NOS2: variants seen among roughly 807,000 people sequenced by gnomAD.
The protein encoded by NOS2 is nitric oxide synthase 2, also known as nitric oxide synthase, inducible.
NOS2 carries 96 observed loss-of-function variants against 136.0 expected under a neutral mutation model. That is an observed-to-expected ratio of 0.71 (90% CI 0.60 to 0.84). The LOEUF is 0.84. Ranked by LOEUF, NOS2 falls within the 40% of genes least tolerant of loss-of-function variation. NOS2 has a pLI of 0.00. For synonymous variants in NOS2, 539 were observed against 587.5 expected (o/e 0.92, Z 1.20); for missense variants, 1,237 against 1,496.9 (o/e 0.83, Z 2.87).
intron 9 of NOS2, among the ~76,000 whole-genome samples, chr17:27,779,378 C>CA (rs1420969230): frequency 4.0e-5 from 6 of 151,408 alleles, no homozygotes; most frequent in Admixed American, 2.0e-4. Flanking sequence ...CTACTGGCCT[C>CA]AAGTAATCCT....
intron 9 of NOS2, among the ~76,000 whole-genome samples, chr17:27,779,482 A>AC (rs904530793): frequency 6.6e-6 from 1 of 151,520 alleles, no homozygotes; most frequent in Admixed American, 6.6e-5. Flanking sequence ...CCTCCCACTG[A>AC]CCCCCCACCT....
chr17:27,787,866 G>C, intron 4 of NOS2, 40 bp from the exon 5 acceptor site: 1 of 1,569,974 alleles, frequency 6.4e-7, no homozygotes, highest in Non-Finnish European at 8.6e-7. Flanking sequence ...GGGCCATTCG[G>C]CCTCTTGCCA....
chr17:27,761,208 C>T lies in NOS2; in HGVS notation c.2824G>A (p.Gly942Ser), dbSNP rs1908117940. ...TRDGQGPLHH[G>S]VCSTWLNSLK... Reference sequence around the variant, plus strand: ...CTGTTGAGCCATGTGCTGCAGACGCCGTGGTGCAGGGGACCCTGGCCATCT... The same window carrying T: ...CTGTTGAGCCATGTGCTGCAGACGCTGTGGTGCAGGGGACCCTGGCCATCT... The change falls in exon 23 of 27, where the codon GGC (glycine) becomes AGC (serine). Residue 942 changes from glycine to serine, a missense_variant. Physicochemically the swap from Gly to Ser is moderately conservative, Grantham distance 56 (BLOSUM62 0). Around this residue, in one of 3 missense-constraint regions of NOS2, gnomAD observed 782 missense variants for 909.9 expected, o/e 0.86. Transcript: ENST00000313735. The T allele has an allele frequency of 1.2e-6, 2 of 1,608,836 alleles. No homozygotes were observed. Among genetic ancestry groups the T allele is most frequent in the Non-Finnish European group, 8.5e-7 (1 of 1,178,690 alleles).
intron 7 of NOS2, 30 bp from the exon 8 acceptor site, chr17:27,781,207 C>T: frequency 6.3e-7 from 1 of 1,582,526 alleles, no homozygotes; most frequent in African/African-American, 1.3e-5. Context: ...TACTGTTTAC[C>T]ACCTAGCCCT....
In NOS2 at chr17:27,772,459, GGACA is replaced by G. The variant is rs535111297; in HGVS notation, c.1560-11_1560-8del. 68 of 1,613,538 alleles carry G rather than the reference GGACA, an allele frequency of 4.2e-5. No individual in the cohort carries two copies. The highest frequency in any genetic ancestry group is 1.6e-4 in the Middle Eastern group (1 of 6,078). Reference sequence around the variant, plus strand: ...ACAGGCAAAGAGCACAGCTCTGTGGGGACAGACAGACAGGCAGGCGCTGTGTGCT... The same window carrying G: ...ACAGGCAAAGAGCACAGCTCTGTGGGGACAGACAGGCAGGCGCTGTGTGCT... On this transcript the variant is annotated splice_region_variant and splice_polypyrimidine_tract_variant and intron_variant, in intron 13 of 26. Coordinates refer to ENST00000313735, the MANE Select transcript of NOS2 (RefSeq NM_000625.4).
intron 15 of NOS2, among the ~76,000 whole-genome samples, chr17:27,770,202 G>A (rs766391086): frequency 6.6e-6 from 1 of 152,126 alleles, no homozygotes; most frequent in Non-Finnish European, 1.5e-5. Context: ...AAAGATAGCT[G>A]AGCACGGTGG....
chr17:27,765,253 G>C (rs1477286743), intron 20 of NOS2, among the ~76,000 whole-genome samples: 1 of 152,224 alleles, frequency 6.6e-6, no homozygotes, highest in Admixed American at 6.5e-5. Flanking sequence ...CTCCCAAAGT[G>C]CTGAGATTAC....
At chr17:27,772,018 T>A (rs992831300) in intron 14 of NOS2, among the ~76,000 whole-genome samples, 1 of 152,218 alleles carries the variant, frequency 6.6e-6, no homozygotes, top group African/African-American at 2.4e-5. Flanking sequence ...AGAGCAGGTG[T>A]TCAGTGAGCC....
Position 27,781,134 on chromosome 17 carries a change from C to T in NOS2, c.766G>A (p.Asp256Asn). The T allele has an allele frequency of 6.2e-7, 1 of 1,612,278 alleles. No individual in the cohort carries two copies. Reference protein sequence around the residue: ...VFPQRSDGKHDFRVWNAQLIR... With the variant: ...VFPQRSDGKHNFRVWNAQLIR... The stretch of plus-strand genomic sequence containing the variant: ...AGCTGAGCATTCCACACCCGGAAGT[C>T]GTGCTTGCCATCACTCCGCTGGGGG... Residue 256 changes from aspartate (D) to asparagine (N), a missense_variant, in exon 8 of 27, where the codon GAC becomes AAC. Around this residue, in one of 3 missense-constraint regions of NOS2, gnomAD observed 440 missense variants for 545.4 expected, o/e 0.81. Coordinates refer to ENST00000313735, the MANE Select transcript of NOS2 (RefSeq NM_000625.4).
rs575593058 is a variant in NOS2 at position 27,756,920 on chromosome 17, G to A, written c.*326C>T. 6 of 310,750 alleles carry A rather than the reference G, an allele frequency of 1.9e-5. No homozygotes were observed. The highest frequency in any genetic ancestry group is 5.0e-5 in the Admixed American group (1 of 20,176). The allele number at this position is 310,750 out of a possible 1,614,324, so 19.2% of individuals were successfully genotyped here. A position where few individuals can be genotyped will look rare whatever the true frequency, so the allele number is the denominator to read the frequency against. On this transcript the variant is annotated 3_prime_UTR_variant, in exon 27 of 27. Transcript: ENST00000313735. Reference sequence around the variant, plus strand: ...AAGGCAGTTAAATACACAGTGGTGCGATAGCACCTCCTGGTGGTCACTTGA... The same window carrying A: ...AAGGCAGTTAAATACACAGTGGTGCAATAGCACCTCCTGGTGGTCACTTGA...
chr17:27,781,025 G>C lies in NOS2; in HGVS notation c.864+11C>G. On this transcript the variant is annotated intron_variant, in intron 8 of 26. Transcript: ENST00000313735. Reference sequence around the variant, plus strand: ...GCCCCAATGGCCGGTGGCTGAGGCTGGGCCGGGTACCTGAGTGAATTCCAC... The same window carrying C: ...GCCCCAATGGCCGGTGGCTGAGGCTCGGCCGGGTACCTGAGTGAATTCCAC... 1 of 1,611,692 alleles carries C rather than the reference G, an allele frequency of 6.2e-7. No homozygotes were observed. Among genetic ancestry groups the C allele is most frequent in the Middle Eastern group, 1.7e-4 (1 of 6,056 alleles).
chr17:27,781,225 G>C, intron 7 of NOS2, 48 bp from the exon 8 acceptor site: 1 of 1,564,014 alleles, frequency 6.4e-7, no homozygotes, highest in Non-Finnish European at 8.6e-7. Flanking sequence ...CCTGGTGGGG[G>C]CCCAGCCATC....
chr17:27,758,985 C>T lies in NOS2; in HGVS notation c.3250G>A (p.Asp1084Asn), dbSNP rs1908020954. The T allele has an allele frequency of 2.5e-6, 4 of 1,613,034 alleles. No individual in the cohort carries two copies. Among genetic ancestry groups the T allele is most frequent in the Admixed American group, 3.3e-5 (2 of 59,950 alleles). Residue 1084 changes from aspartate (D) to asparagine (N), a missense_variant, in exon 26 of 27, where the codon GAT (aspartate) becomes AAT (asparagine). Physicochemically the swap from Asp to Asn is conservative, Grantham distance 23 (BLOSUM62 1). Coordinates refer to ENST00000313735, the MANE Select transcript of NOS2 (RefSeq NM_000625.4). ...KEPGHLYVCG[D>N]VRMARDVAHT... ...GCCACGTCCCGGGCCATGCGCACAT[C>T]CCCGCAAACATAGAGGTGGCCTGGC... is the stretch of plus-strand genomic sequence containing the variant.
rs1202878735 is a variant in NOS2 at position 27,760,020 on chromosome 17, C to T, written c.3159+10G>A. 6 of 1,510,186 alleles carry T rather than the reference C, an allele frequency of 4.0e-6. No individual in the cohort carries two copies. Among genetic ancestry groups the T allele is most frequent in the East Asian group, 2.5e-5 (1 of 40,566 alleles). 93.5% of individuals were successfully genotyped at this position (1,510,186 alleles called of 1,614,324 possible). On this transcript the variant is annotated intron_variant, in intron 25 of 26. Coordinates refer to ENST00000313735, the MANE Select transcript of NOS2 (RefSeq NM_000625.4). ...GTGTAATGCTTCACCTGCTTTGAGG[C>T]TGCATTTACCTTGGGCTTGCCAGGC...
At chr17:27,759,731 G>A (rs911295292) in intron 25 of NOS2, among the ~76,000 whole-genome samples, 3 of 152,106 alleles carry the variant, frequency 2.0e-5, no homozygotes, top group Non-Finnish European at 4.4e-5. Context: ...TAGCCAGCCT[G>A]GACCACCTCT....
In NOS2 at chr17:27,769,044, A is replaced by G. The variant is rs199861578; in HGVS notation, c.1967T>C (p.Met656Thr). The G allele has an allele frequency of 1.9e-6, 3 of 1,612,592 alleles. No homozygotes were observed. Among genetic ancestry groups the G allele is most frequent in the Non-Finnish European group, 2.5e-6 (3 of 1,179,606 alleles). Residue 656 changes from methionine to threonine, a missense_variant, in exon 17 of 27, where the codon ATG becomes ACG. By Grantham distance (81) the Met-to-Thr change is moderately conservative. This residue lies in a region of NOS2 where 782 missense variants were observed against 909.9 expected (regional missense o/e 0.86). Transcript: ENST00000313735. ...SHLGASQLTP[M>T]GEGDELSGQE... ...CCCACTGAGCTCATCCCCTTCTCCC[A>G]TCGGGGTGAGCTGAGAGGCCCCCAG... is the stretch of plus-strand genomic sequence containing the variant.
intron 2 of NOS2, among the ~76,000 whole-genome samples, chr17:27,795,758 T>C (rs1909334361): frequency 6.6e-6 from 1 of 152,212 alleles, no homozygotes; most frequent in Non-Finnish European, 1.5e-5. Context: ...AATGAATTGA[T>C]GTGTGATATT....
intron 14 of NOS2, among the ~76,000 whole-genome samples, chr17:27,771,537 C>G (rs1597548810): frequency 6.6e-6 from 1 of 152,368 alleles, no homozygotes; most frequent in East Asian, 1.9e-4. Context: ...TTTCAGCAAC[C>G]TGGCCGACCT....
At chr17:27,777,862 T>C (rs554027826) in intron 11 of NOS2, among the ~76,000 whole-genome samples, 1 of 151,880 alleles carries the variant, frequency 6.6e-6, no homozygotes, top group South Asian at 2.1e-4. Flanking sequence ...CTGGGCAACA[T>C]GGAAAAACAC....
Sources: gnomAD v4.1 joint callset for allele counts (sites outside exome capture counted in the v4.1 genomes callset) on GRCh38, gnomAD v4.1.1 for gene constraint, gnomAD v4.1.1 regional missense constraint, MANE v1.5 for transcripts, NCBI Gene and HGNC (gene_info 2026-07-23, HGNC 2026-07-21) for gene names.